ATP10A: variants seen among roughly 807,000 people sequenced by gnomAD.
ATP10A encodes the protein phospholipid-transporting ATPase VA.
A neutral mutation model predicts 147.8 loss-of-function variants in ATP10A; 111 were observed. The observed-to-expected ratio is 0.75, with a 90% confidence interval of 0.64 to 0.88. The LOEUF is 0.88. ATP10A is among the 40% of genes least tolerant of loss of function. The pLI, the probability that ATP10A is intolerant of heterozygous loss-of-function variation, is 0.00. For missense variants in ATP10A, 1,927 were observed against 1,959.0 expected, an observed-to-expected ratio of 0.98 and a Z score of 0.31; for synonymous variants, 875 against 841.6, an observed-to-expected ratio of 1.04 and a Z score of -0.69.
At chr15:25,785,109 A>C (rs1036500316) in intron 1 of ATP10A, among the ~76,000 whole-genome samples, 1 of 152,004 alleles carries the variant, frequency 6.6e-6, no homozygotes, top group Non-Finnish European at 1.5e-5. Context: ...CTCCAGCTGG[A>C]GCACCCGGCA....
intron 1 of ATP10A, among the ~76,000 whole-genome samples, chr15:25,833,721 C>A (rs1408006483): frequency 6.6e-6 from 1 of 152,190 alleles, no homozygotes. Context: ...TGGCTCACGC[C>A]TGTAATCCCA....
In ATP10A at chr15:25,714,051, T is replaced by A; in HGVS notation, c.1967A>T (p.Glu656Val). Reference protein sequence around the residue: ...SSDGMLLRLEERLGQPTSAIA... With the variant: ...SSDGMLLRLEVRLGQPTSAIA... ...GGCCGAGGTGGGCTGGCCCAGCCTCTCCTCCAGCCTGAGAAGCATGCCGTC... is the reference window on the plus strand; with the variant it reads ...GGCCGAGGTGGGCTGGCCCAGCCTCACCTCCAGCCTGAGAAGCATGCCGTC... The change falls in exon 10 of 21, where the codon GAG (glutamate) becomes GTG (valine). Residue 656 changes from glutamate (E) to valine (V), a missense_variant. By Grantham distance (121) the Glu-to-Val change is moderately radical. Coordinates refer to ENST00000555815, the MANE Select transcript of ATP10A (RefSeq NM_024490.4). 6.2e-7 allele frequency: 1 copy of A among 1,612,454 alleles called. No homozygotes were observed. The highest frequency in any genetic ancestry group is 8.5e-7 in the Non-Finnish European group (1 of 1,179,976).
intron 1 of ATP10A, among the ~76,000 whole-genome samples, chr15:25,835,656 T>C (rs1012005024): frequency 6.6e-6 from 1 of 152,122 alleles, no homozygotes; most frequent in African/African-American, 2.4e-5. Flanking sequence ...TTTAAGAGAC[T>C]GGGTCATATT....
At chr15:25,850,897 T>C (rs1036933820) in intron 1 of ATP10A, among the ~76,000 whole-genome samples, 4 of 152,160 alleles carry the variant, frequency 2.6e-5, no homozygotes, top group African/African-American at 9.7e-5. Context: ...ACTCTACAAA[T>C]GACTCAGTTC....
At chr15:25,858,075 A>C (rs1893593390) in intron 1 of ATP10A, among the ~76,000 whole-genome samples, 1 of 152,248 alleles carries the variant, frequency 6.6e-6, no homozygotes, top group Non-Finnish European at 1.5e-5. Flanking sequence ...TCATGAGCCC[A>C]GTAATATATG....
chr15:25,716,749 G>A lies in ATP10A; in HGVS notation c.1757C>T (p.Pro586Leu), dbSNP rs770940385. The A allele has an allele frequency of 2.5e-5, 40 of 1,593,274 alleles. No individual in the cohort carries two copies. Among genetic ancestry groups the A allele is most frequent in the Admixed American group, 3.5e-5 (2 of 57,630 alleles). Residue 586 changes from proline (P) to leucine (L), a missense_variant, in exon 9 of 21, where the codon CCG becomes CTG. Physicochemically the swap from Pro to Leu is moderately conservative, Grantham distance 98 (BLOSUM62 -3). Transcript: ENST00000555815. ...ACTTGCCTTTGTTCGTGGCTGATCC[G>A]GGGACGTGACGACGACTGTGTTGCA... Reference protein sequence around the residue: ...TICNTVVVTSPDQPRTKVRVR... With the variant: ...TICNTVVVTSLDQPRTKVRVR...
intron 10 of ATP10A, 42 bp downstream of exon 10, chr15:25,713,632 C>T (rs1448034972): frequency 2.5e-6 from 4 of 1,581,592 alleles, no homozygotes; most frequent in Non-Finnish European, 3.4e-6. Context: ...CTCAGGACCT[C>T]CTCCCCCGAG....
At chr15:25,802,553 C>T (rs1014723232) in intron 1 of ATP10A, among the ~76,000 whole-genome samples, 2 of 152,210 alleles carry the variant, frequency 1.3e-5, no homozygotes, top group African/African-American at 4.8e-5. Context: ...ACACAGGGCC[C>T]ACTCAGCTAA....
chr15:25,794,151 G>T (rs745722751), intron 1 of ATP10A, among the ~76,000 whole-genome samples: 2 of 152,154 alleles, frequency 1.3e-5, no homozygotes, highest in Non-Finnish European at 2.9e-5. Context: ...AGCCAGACAG[G>T]CAGATTGATT....
intron 1 of ATP10A, among the ~76,000 whole-genome samples, chr15:25,837,082 A>AT (rs768474536): frequency 2.0e-5 from 3 of 151,894 alleles, no homozygotes; most frequent in Admixed American, 6.6e-5. Context: ...CAGTTACCTC[A>AT]TTTTTTTTCG....
chr15:25,707,323 C>G lies in ATP10A; in HGVS notation c.2575+653G>C, dbSNP rs569253450. Among the ~76,000 whole-genome samples the G allele has an allele frequency of 1.0e-3, 153 of 152,222 alleles. 2 individuals are homozygous for G. The highest frequency in any genetic ancestry group is 1.9e-3 in the Non-Finnish European group (130 of 68,008). ...TCGAGAAGTACCACCTGACTCACAG[C>G]ACCCGAGATGGAGGTGGGGGTGGAC... is the stretch of plus-strand genomic sequence containing the variant. On this transcript the variant is annotated intron_variant, in intron 12 of 20. Transcript: ENST00000555815.
chr15:25,759,193 A>C (rs1888618026), intron 2 of ATP10A, among the ~76,000 whole-genome samples: 1 of 152,196 alleles, frequency 6.6e-6, no homozygotes, highest in Non-Finnish European at 1.5e-5. Context: ...GGAACATTTT[A>C]TATTCGAGTG....
At chr15:25,808,915 G>A (rs989030775) in intron 1 of ATP10A, among the ~76,000 whole-genome samples, 4 of 152,176 alleles carry the variant, frequency 2.6e-5, no homozygotes, top group Non-Finnish European at 5.9e-5. Context: ...ACTAGAGCAA[G>A]GTTCCCCAGG....
At chr15:25,864,098 C>G (rs1195324699), upstream of ATP10A, among the ~76,000 whole-genome samples, 2 of 152,026 alleles carry the variant, frequency 1.3e-5, no homozygotes, top group Admixed American at 1.3e-4. Flanking sequence ...TGTCATGGCC[C>G]GGACGGCGGG....
chr15:25,853,607 G>A (rs1893381714), intron 1 of ATP10A, among the ~76,000 whole-genome samples: 3 of 152,082 alleles, frequency 2.0e-5, no homozygotes, highest in Non-Finnish European at 2.9e-5. Context: ...CTACCAACAC[G>A]TCGGGAAGGA....
chr15:25,823,914 C>T (rs142549716), intron 1 of ATP10A, among the ~76,000 whole-genome samples: 6 of 152,332 alleles, frequency 3.9e-5, no homozygotes, highest in African/African-American at 1.4e-4. Context: ...ACATATTAGG[C>T]TCTGCAGGTC....
intron 1 of ATP10A, among the ~76,000 whole-genome samples, chr15:25,850,595 C>G (rs757164268): frequency 3.3e-5 from 5 of 152,112 alleles, no homozygotes; most frequent in South Asian, 2.1e-4. Context: ...CTGTGTAGAG[C>G]GTCCGGCGGC....
chr15:25,774,386 C>A (rs1409210388), intron 2 of ATP10A, among the ~76,000 whole-genome samples: 1 of 152,128 alleles, frequency 6.6e-6, no homozygotes, highest in African/African-American at 2.4e-5. Flanking sequence ...ACCAGCCTGA[C>A]CAAGACGGAG....
chr15:25,796,358 T>C (rs566410142), intron 1 of ATP10A, among the ~76,000 whole-genome samples: 28 of 152,178 alleles, frequency 1.8e-4, no homozygotes, highest in African/African-American at 6.3e-4. Flanking sequence ...TGAGCCACAA[T>C]AGCACCACTA....
Sources: gnomAD v4.1 joint callset for allele counts (sites outside exome capture counted in the v4.1 genomes callset) on GRCh38, gnomAD v4.1.1 for gene constraint, MANE v1.5 for transcripts, NCBI Gene and HGNC (gene_info 2026-07-23, HGNC 2026-07-21) for gene names.